The following LARP1B variants were observed in gnomAD, a reference collection of about 807,000 sequenced individuals.
LARP1B encodes la-related protein 1B.
A neutral mutation model predicts 114.2 loss-of-function variants in LARP1B; 76 were observed. That is an observed-to-expected ratio of 0.67 (90% CI 0.55 to 0.81). The LOEUF (loss-of-function observed/expected upper bound fraction) is 0.81. Ranked by LOEUF, LARP1B falls within the 30% of genes least tolerant of loss-of-function variation. The pLI is 0.00. For missense variants in LARP1B, 1,014 were observed against 1,075.8 expected (o/e 0.94, Z 0.80); for synonymous variants, 345 against 348.0 (o/e 0.99, Z 0.10).
chr4:128,090,571 ATTTGT>A (rs149297706), intron 5 of LARP1B, among the ~76,000 whole-genome samples: 94 of 152,222 alleles, frequency 6.2e-4, no homozygotes, highest in African/African-American at 2.2e-3. Flanking sequence ...TCTTTTCTCA[ATTTGT>A]TTTGTGTTTT....
At chr4:128,161,437 A>G (rs1738459861) in intron 11 of LARP1B, among the ~76,000 whole-genome samples, 2 of 152,168 alleles carry the variant, frequency 1.3e-5, no homozygotes, top group Non-Finnish European at 2.9e-5. Flanking sequence ...AAATATACTG[A>G]GTCTCTTTGC....
chr4:128,085,778 G>A (rs1046154449), intron 5 of LARP1B, among the ~76,000 whole-genome samples: 3 of 152,130 alleles, frequency 2.0e-5, no homozygotes, highest in East Asian at 3.9e-4. Context: ...CATGAATAAC[G>A]CTGATGAATA....
At chr4:128,190,472 A>G (rs1243276747) in intron 15 of LARP1B, among the ~76,000 whole-genome samples, 2 of 152,096 alleles carry the variant, frequency 1.3e-5, no homozygotes, top group African/African-American at 4.8e-5. Context: ...CACCCGTCTC[A>G]TCTCGAATTG....
chr4:128,217,968 A>T lies in LARP1B; in HGVS notation n.849-2387A>T, dbSNP rs1409080752. On this transcript the variant is annotated intron_variant and non_coding_transcript_variant, in intron 6 of 7. Transcript: ENST00000503725. The stretch of plus-strand genomic sequence containing the variant: ...AAGTCTCAGGATACAAAATCAATGT[A>T]CAAAAATCACAAGCATTCTTATACA... 5.9e-3 allele frequency among the ~76,000 whole-genome samples: 604 copies of T among 101,928 alleles called. 3 individuals are homozygous for T. The highest frequency in any genetic ancestry group is 7.8e-3 in the Non-Finnish European group (401 of 51,156). 66.9% of individuals were successfully genotyped at this position (101,928 alleles called of 152,430 possible).
intron 15 of LARP1B, among the ~76,000 whole-genome samples, chr4:128,190,349 C>G (rs1751838450): frequency 6.6e-6 from 1 of 151,728 alleles, no homozygotes; most frequent in South Asian, 2.1e-4. Flanking sequence ...TTTTTTTTCT[C>G]TTGCTGTTTT....
intron 1 of LARP1B, among the ~76,000 whole-genome samples, chr4:128,070,653 C>T (rs1260664339): frequency 6.6e-6 from 1 of 152,024 alleles, no homozygotes; most frequent in Non-Finnish European, 1.5e-5. Flanking sequence ...GAGTGAAATT[C>T]CGTCTCAAAA....
downstream of LARP1B, chr4:128,222,870 T>A (rs1760114692): frequency 6.5e-6 from 1 of 153,152 alleles, no homozygotes; most frequent in South Asian, 2.0e-4. Flanking sequence ...ATTATCTTGA[T>A]CTTCAGCCAG....
At chr4:128,100,016 A>G (rs1271311810) in intron 8 of LARP1B, among the ~76,000 whole-genome samples, 6 of 151,896 alleles carry the variant, frequency 4.0e-5, no homozygotes, top group Admixed American at 3.9e-4. Context: ...GTGGAGTGCA[A>G]TGCCATGATC....
chr4:128,062,592 C>CTTTTTTTTTTTTT lies in LARP1B; in HGVS notation c.-78+1197_-78+1209dup, dbSNP rs10659836. Among the ~76,000 whole-genome samples, 47 of 128,246 alleles carry CTTTTTTTTTTTTT rather than the reference C, an allele frequency of 3.7e-4. 1 individual carries two copies. Among genetic ancestry groups the CTTTTTTTTTTTTT allele is most frequent in the African/African-American group, 1.3e-3 (45 of 34,540 alleles). 84.1% of individuals were successfully genotyped at this position (128,246 alleles called of 152,430 possible). ...CTTCGTATGGGAAAGTTTTGGTAGA[C>CTTTTTTTTTTTTT]TTTTTTTTTTTTTTTTTTACATAAA... On this transcript the variant is annotated intron_variant, in intron 1 of 19. Coordinates refer to ENST00000326639, the MANE Select transcript of LARP1B (RefSeq NM_018078.4).
chr4:128,098,042 CTG>C, intron 7 of LARP1B, 142 bp from the exon 8 acceptor site: 1 of 565,688 alleles, frequency 1.8e-6, no homozygotes, highest in Non-Finnish European at 3.1e-6. Context: ...TTTACCCTAT[CTG>C]TGTTGTATTA....
chr4:128,170,495 T>G (rs1246827237), intron 12 of LARP1B, among the ~76,000 whole-genome samples: 1 of 152,204 alleles, frequency 6.6e-6, no homozygotes, highest in Non-Finnish European at 1.5e-5. Context: ...GTATTTTGCT[T>G]TATTTATTTA....
chr4:128,154,270 T>C (rs1208741660), intron 11 of LARP1B, among the ~76,000 whole-genome samples: 1 of 152,196 alleles, frequency 6.6e-6, no homozygotes, highest in Non-Finnish European at 1.5e-5. Flanking sequence ...TTTCTCTGAG[T>C]GGGAGCAACA....
At chr4:128,115,179 G>T (rs987097860) in intron 10 of LARP1B, among the ~76,000 whole-genome samples, 1 of 151,994 alleles carries the variant, frequency 6.6e-6, no homozygotes, top group African/African-American at 2.4e-5. Flanking sequence ...CTCATGATCC[G>T]CCCGCCTCGT....
chr4:128,166,968 C>CTATATATA (rs1402176736), intron 12 of LARP1B, among the ~76,000 whole-genome samples: 5 of 81,038 alleles, frequency 6.2e-5, no homozygotes, highest in African/African-American at 1.6e-4. Context: ...CTCTCTCTCT[C>CTATATATA]TCTATATATA....
chr4:128,107,604 A>G lies in LARP1B; in HGVS notation c.988+291A>G, dbSNP rs28720048. ...TTATTTTTACTAAATAACTATAGAT[A>G]TGTATCGTTTTCCCCTGTAAAATTG... On this transcript the variant is annotated intron_variant, in intron 9 of 19. Coordinates refer to ENST00000326639, the MANE Select transcript of LARP1B (RefSeq NM_018078.4). The G allele has an allele frequency of 6.2e-4, 866 of 1,386,510 alleles. 8 individuals carry two copies. The African/African-American group carries it at 0.011, about 18-fold the overall frequency. 85.9% of individuals were successfully genotyped at this position (1,386,510 alleles called of 1,614,324 possible). A position where few individuals can be genotyped will look rare whatever the true frequency, so the allele number is the denominator to read the frequency against.
At chr4:128,122,438 G>GTTTTTTTTTTTTTTTTTTTTTTTTTT (rs377102754) in intron 11 of LARP1B, 1 of 1,189,000 alleles carries the variant, frequency 8.4e-7, no homozygotes. Context: ...TTATACCCTT[G>GTTTTTTTTTTTTTTTTTTTTTTTTTT]TTTTTTTTTT....
At chr4:128,147,514 A>G (rs999538357) in intron 11 of LARP1B, among the ~76,000 whole-genome samples, 22 of 152,194 alleles carry the variant, frequency 1.4e-4, no homozygotes, top group African/African-American at 5.1e-4. Context: ...GGGGAACAGT[A>G]AAAAAGAGAA....
At chr4:128,158,842 C>T (rs1737032441) in intron 11 of LARP1B, among the ~76,000 whole-genome samples, 1 of 152,034 alleles carries the variant, frequency 6.6e-6, no homozygotes, top group Non-Finnish European at 1.5e-5. Context: ...TCAAAAGTCA[C>T]ATCTTATATA....
chr4:128,121,063 C>T (rs889454121), intron 10 of LARP1B, among the ~76,000 whole-genome samples: 1 of 152,050 alleles, frequency 6.6e-6, no homozygotes, highest in Non-Finnish European at 1.5e-5. Context: ...CCCGCCTCAG[C>T]GTCCCAAAGT....
Sources: allele counts gnomAD v4.1 joint callset (sites outside exome capture counted in the v4.1 genomes callset), GRCh38; gene constraint gnomAD v4.1.1; transcripts MANE v1.5; gene names NCBI Gene and HGNC (gene_info 2026-07-23, HGNC 2026-07-21).